The following SEMA3A variants were observed in gnomAD, a reference collection of about 807,000 sequenced individuals.
SEMA3A encodes semaphorin 3A.
In SEMA3A, 29 loss-of-function variants were observed where a neutral mutation model predicts 97.9. That is an observed-to-expected ratio of 0.30 (90% confidence interval 0.22 to 0.40). The LOEUF is 0.40. Ranked by LOEUF, SEMA3A falls within the 10% of genes least tolerant of loss-of-function variation. The probability of loss-of-function intolerance (pLI) is 1.00; values close to 1 mark genes in which losing one functional copy is unlikely to be tolerated. For synonymous variants in SEMA3A, 321 were observed against 323.7 expected, an observed-to-expected ratio of 0.99 and a Z score of 0.09; for missense variants, 763 against 951.3, an observed-to-expected ratio of 0.80 and a Z score of 2.60.
intron 6 of SEMA3A, among the ~76,000 whole-genome samples, chr7:84,036,500 T>C (rs1321105917): frequency 6.6e-6 from 1 of 152,010 alleles, no homozygotes; most frequent in East Asian, 1.9e-4. Flanking sequence ...AGTAGGGAAA[T>C]GAGAAGAGAA....
intron 6 of SEMA3A, among the ~76,000 whole-genome samples, chr7:84,029,295 C>G (rs946879601): frequency 1.2e-4 from 19 of 152,070 alleles, no homozygotes; most frequent in African/African-American, 4.6e-4. Context: ...TGTGGAATGA[C>G]ATAATTATGT....
chr7:84,234,252 A>G (rs1039915676), intron 3 of SEMA3A, among the ~76,000 whole-genome samples: 2 of 152,038 alleles, frequency 1.3e-5, no homozygotes, highest in Non-Finnish European at 2.9e-5. Flanking sequence ...TTCCTAGAAT[A>G]AAGTCCCCAC....
intron 2 of SEMA3A, among the ~76,000 whole-genome samples, chr7:84,369,140 T>A (rs1456601718): frequency 6.6e-6 from 1 of 151,096 alleles, no homozygotes; most frequent in Non-Finnish European, 1.5e-5. Context: ...CACAAATCTA[T>A]ATCTGGAGTC....
At chr7:84,183,766 A>G (rs894767488) in intron 1 of SEMA3A, among the ~76,000 whole-genome samples, 2 of 152,204 alleles carry the variant, frequency 1.3e-5, no homozygotes, top group Non-Finnish European at 1.5e-5. Flanking sequence ...CTGGCACAAT[A>G]GAGACATTCA....
rs1788268904 is a variant in SEMA3A at position 83,955,833 on chromosome 7, G to C, written c.*5538C>G. 1 of 152,162 alleles carries C rather than the reference G, an allele frequency of 6.6e-6. No homozygotes were observed. The highest frequency in any genetic ancestry group is 6.6e-5 in the Admixed American group (1 of 15,260). The allele number at this position is 152,162 out of a possible 1,614,324, so 9.4% of individuals were successfully genotyped here. On this transcript the variant is annotated 3_prime_UTR_variant, in exon 17 of 17. Transcript: ENST00000265362. ...CTAATGCTTCAGTGAGATTTACAAAGAGAGAAGACGGAAGTTGAGCCTTCA... is the reference window on the plus strand; with the variant it reads ...CTAATGCTTCAGTGAGATTTACAAACAGAGAAGACGGAAGTTGAGCCTTCA...
rs563521498 is a variant in SEMA3A, at chr7:84,321,155, T to C, written c.-168-13863A>G. On this transcript the variant is annotated intron_variant, in intron 2 of 3. Transcript: ENST00000424555. ...GACACAATGTATGGAGGAGAACACA[T>C]AGATTGTAAACCTAAATCCAGTTGA... Among the ~76,000 whole-genome samples, 21 of 152,308 alleles carry C rather than the reference T, an allele frequency of 1.4e-4. No individual in the cohort carries two copies. The South Asian group carries it at 3.7e-3, about 27-fold the overall frequency.
chr7:84,056,780 TTA>T (rs748895733), intron 5 of SEMA3A, among the ~76,000 whole-genome samples: 99 of 152,308 alleles, frequency 6.5e-4, no homozygotes, highest in Middle Eastern at 6.8e-3. Context: ...TTTCAACAGT[TTA>T]TATGTCTACA....
chr7:84,131,298 G>A (rs1795955004), intron 2 of SEMA3A, among the ~76,000 whole-genome samples: 1 of 152,008 alleles, frequency 6.6e-6, no homozygotes. Context: ...GGATGGATTT[G>A]TTTAACTGTT....
chr7:84,146,313 C>A (rs1796461616), intron 1 of SEMA3A, among the ~76,000 whole-genome samples: 1 of 152,078 alleles, frequency 6.6e-6, no homozygotes, highest in Admixed American at 6.5e-5. Context: ...TGTCTGAAGT[C>A]TGACTACTTG....
chr7:84,251,935 T>C (rs929474082), intron 3 of SEMA3A, among the ~76,000 whole-genome samples: 2 of 152,200 alleles, frequency 1.3e-5, no homozygotes, highest in African/African-American at 2.4e-5. Context: ...GGAGAACATA[T>C]ACTTATTGAG....
At chr7:84,094,283 T>C (rs1794683426) in intron 4 of SEMA3A, among the ~76,000 whole-genome samples, 2 of 152,006 alleles carry the variant, frequency 1.3e-5, no homozygotes, top group South Asian at 4.1e-4. Flanking sequence ...CTTCTTTCTA[T>C]ATTTTTAAAT....
intron 2 of SEMA3A, among the ~76,000 whole-genome samples, chr7:84,337,732 G>A (rs1411907456): frequency 6.6e-6 from 1 of 152,114 alleles, no homozygotes; most frequent in African/African-American, 2.4e-5. Context: ...AATGCTTTGT[G>A]CAGCTGGGGT....
At chr7:84,369,774 A>G (rs1376556438) in intron 2 of SEMA3A, among the ~76,000 whole-genome samples, 1 of 149,412 alleles carries the variant, frequency 6.7e-6, no homozygotes, top group Non-Finnish European at 1.5e-5. Context: ...ATATTTATAT[A>G]TATAATAAAA....
At chr7:84,283,806 T>C (rs1237357090) in intron 3 of SEMA3A, among the ~76,000 whole-genome samples, 6 of 152,208 alleles carry the variant, frequency 3.9e-5, no homozygotes, top group Admixed American at 3.9e-4. Flanking sequence ...ACATAACTTC[T>C]TAAATTCCAG....
chr7:84,441,570 G>C (rs1460064490), intron 1 of SEMA3A, among the ~76,000 whole-genome samples: 1 of 151,858 alleles, frequency 6.6e-6, no homozygotes, highest in Non-Finnish European at 1.5e-5. Flanking sequence ...CCATCAGGCA[G>C]ACCAACATAC....
intron 5 of SEMA3A, among the ~76,000 whole-genome samples, chr7:84,056,116 A>C (rs1792964252): frequency 6.6e-6 from 1 of 152,224 alleles, no homozygotes; most frequent in Non-Finnish European, 1.5e-5. Context: ...ACTATCATTC[A>C]GAAACTGTCA....
At chr7:84,097,293 G>A (rs1382256429) in intron 4 of SEMA3A, among the ~76,000 whole-genome samples, 2 of 152,236 alleles carry the variant, frequency 1.3e-5, no homozygotes, top group East Asian at 1.9e-4. Flanking sequence ...ATAAAGTTTT[G>A]TGCTAATCTC....
chr7:84,438,419 T>C (rs1369313664), intron 1 of SEMA3A, among the ~76,000 whole-genome samples: 2 of 152,064 alleles, frequency 1.3e-5, no homozygotes, highest in African/African-American at 4.8e-5. Flanking sequence ...ATGGAATCCA[T>C]AGAAGACCAA....
intron 1 of SEMA3A, among the ~76,000 whole-genome samples, chr7:84,456,619 C>G (rs1805692809): frequency 6.6e-6 from 1 of 151,548 alleles, no homozygotes; most frequent in Non-Finnish European, 1.5e-5. Flanking sequence ...AACTGCATAC[C>G]TGGATTTAGG....
Sources: allele counts gnomAD v4.1 joint callset (sites outside exome capture counted in the v4.1 genomes callset), GRCh38; gene constraint gnomAD v4.1.1; transcripts MANE v1.5; gene names NCBI Gene and HGNC (gene_info 2026-07-23, HGNC 2026-07-21).